Variants in PWWP3B observed in about 807,000 individuals in gnomAD.
PWWP3B encodes the protein PWWP domain-containing DNA repair factor 3B.
A neutral mutation model predicts 15.7 loss-of-function variants in PWWP3B; 5 were observed. The observed-to-expected ratio is 0.32, with a 90% CI of 0.17 to 0.67. PWWP3B has a LOEUF of 0.67. Among genes scored for constraint, PWWP3B ranks in the 30% least tolerant of loss-of-function variants. The pLI is 0.74. For missense variants in PWWP3B, 519 were observed against 493.1 expected (o/e 1.05, Z -0.50); for synonymous variants, 203 against 179.8 (o/e 1.13, Z -1.03).
intron 2 of PWWP3B, among the ~76,000 whole-genome samples, chrX:106,175,925 G>GAT (rs1401782902): frequency 9.0e-6 from 1 of 110,670 alleles, no homozygotes; most frequent in Non-Finnish European, 1.9e-5. Context: ...GAGGAGTCCC[G>GAT]ATATATAGCA....
At position 106,183,833 on chromosome X, in the gene PWWP3B, G is replaced by A. The variant is rs187679048; in HGVS notation, c.-401+12694G>A. On this transcript the variant is annotated intron_variant, in intron 2 of 3. Coordinates refer to ENST00000357175, the MANE Select transcript of PWWP3B (RefSeq NM_001171020.2). ...AGGGTGATGACATGAGCTGGCGCTT[G>A]TCCTGGTCACCCTCAGTCCTGTTGT... Among the ~76,000 whole-genome samples, 31 of 112,472 alleles carry A rather than the reference G, an allele frequency of 2.8e-4. No individual in the cohort carries two copies. In the South Asian group the frequency reaches 3.0e-3, roughly 11 times the overall value.
intron 2 of PWWP3B, among the ~76,000 whole-genome samples, chrX:106,190,179 A>G (rs1236380264): frequency 4.5e-5 from 5 of 111,080 alleles, no homozygotes; most frequent in African/African-American, 1.3e-4. Context: ...AAGTGTTCCT[A>G]TTTCTCCACA....
At chrX:106,194,334 G>A (rs1277645012) in intron 2 of PWWP3B, among the ~76,000 whole-genome samples, 6 of 111,537 alleles carry the variant, frequency 5.4e-5, no homozygotes, top group East Asian at 5.6e-4. Flanking sequence ...TGATCACATC[G>A]GTTACTGAGG....
intron 2 of PWWP3B, among the ~76,000 whole-genome samples, chrX:106,191,734 A>C (rs1186299286): frequency 9.0e-6 from 1 of 111,333 alleles, no homozygotes; most frequent in Non-Finnish European, 1.9e-5. Flanking sequence ...TAATTTATTG[A>C]GAGTTTTTAG....
chrX:106,204,575 A>G (rs932070087), intron 3 of PWWP3B, among the ~76,000 whole-genome samples: 10 of 111,971 alleles, frequency 8.9e-5, no homozygotes, highest in African/African-American at 3.2e-4. Flanking sequence ...TAGAAGAGTC[A>G]TTGTATTTTT....
rs752764388 is a variant in PWWP3B, at chrX:106,206,872, A to T, written c.1440A>T (p.Ile480=). 1.7e-6 allele frequency: 2 copies of T among 1,211,252 alleles called. No homozygotes were observed. The highest frequency in any genetic ancestry group is 1.1e-6 in the Non-Finnish European group (1 of 895,220). The change falls in exon 4 of 4, where the codon ATA becomes ATT. Residue 480 remains isoleucine (I), a synonymous_variant. Coordinates refer to ENST00000357175, the MANE Select transcript of PWWP3B (RefSeq NM_001171020.2). Reference sequence around the variant, plus strand: ...TAATTTGTGACTACAGAGTTAGAATAGGTTGTGGTTCTTTCACGGGCTCTT... The same window carrying T: ...TAATTTGTGACTACAGAGTTAGAATTGGTTGTGGTTCTTTCACGGGCTCTT... ...ISLICDYRVR[I]GCGSFTGSLL...
At chrX:106,197,322 T>C (rs961491624) in intron 2 of PWWP3B, among the ~76,000 whole-genome samples, 3 of 111,929 alleles carry the variant, frequency 2.7e-5, no homozygotes, top group African/African-American at 9.7e-5. Flanking sequence ...GCCTTTGTCC[T>C]GGAAATTAGG....
intron 2 of PWWP3B, among the ~76,000 whole-genome samples, chrX:106,186,681 G>A (rs1388160763): frequency 9.0e-6 from 1 of 110,606 alleles, no homozygotes; most frequent in African/African-American, 3.3e-5. Context: ...GACCCAAAGA[G>A]TCAGCAGAAG....
chrX:106,195,868 G>T (rs937706077), intron 2 of PWWP3B, among the ~76,000 whole-genome samples: 1 of 111,784 alleles, frequency 8.9e-6, no homozygotes, highest in Non-Finnish European at 1.9e-5. Flanking sequence ...TAATTCTACA[G>T]AAATGTTGGG....
intron 2 of PWWP3B, among the ~76,000 whole-genome samples, chrX:106,200,812 G>A (rs1005969096): frequency 2.7e-5 from 3 of 111,408 alleles, no homozygotes; most frequent in Non-Finnish European, 5.7e-5. Flanking sequence ...ACTTTGGAAG[G>A]CCGAGGCAGG....
chrX:106,196,547 AT>A (rs992302640), intron 2 of PWWP3B, among the ~76,000 whole-genome samples: 16 of 110,872 alleles, frequency 1.4e-4, no homozygotes, highest in Non-Finnish European at 2.1e-4. Flanking sequence ...AATTGAGATG[AT>A]TTTTTTTCTC....
Position 106,206,958 on chromosome X carries a change from C to T in PWWP3B, c.1526C>T (p.Thr509Ile), listed in dbSNP as rs1487503726. ...GTTAGGAAAGAAACAAAACAGGATA[C>T]TTTCAGGAACAAATTTCCAAAGCTG... ...YPVRKETKQD[T>I]FRNKFPKLHN... The change falls in exon 4 of 4, where the codon ACT becomes ATT. Residue 509 changes from threonine (T) to isoleucine (I), a missense_variant. Coordinates refer to ENST00000357175, the MANE Select transcript of PWWP3B (RefSeq NM_001171020.2). The T allele has an allele frequency of 5.0e-6, 6 of 1,211,278 alleles. No individual in the cohort carries two copies. Among genetic ancestry groups the T allele is most frequent in the Admixed American group, 2.2e-5 (1 of 45,976 alleles).
At chrX:106,192,237 C>T (rs1011112291) in intron 2 of PWWP3B, among the ~76,000 whole-genome samples, 2 of 111,514 alleles carry the variant, frequency 1.8e-5, no homozygotes, top group East Asian at 5.6e-4. Context: ...TTGGTCTATT[C>T]AGAGATTCAA....
At chrX:106,194,765 G>A (rs1401461722) in intron 2 of PWWP3B, among the ~76,000 whole-genome samples, 1 of 111,884 alleles carries the variant, frequency 8.9e-6, no homozygotes, top group Non-Finnish European at 1.9e-5. Flanking sequence ...TAACAGACAG[G>A]ACCCTCAGCT....
rs1054857394 is a variant in PWWP3B at position 106,206,008 on chromosome X, G to C, written c.576G>C (p.Trp192Cys). ...VETKSLQNSS[W>C]CETFPSLSED... ...CAAAGTCATTACAAAACTCTAGCTGGTGCGAGACTTTCCCTTCACTTTCGG... is the reference window on the plus strand; with the variant it reads ...CAAAGTCATTACAAAACTCTAGCTGCTGCGAGACTTTCCCTTCACTTTCGG... Residue 192 changes from tryptophan to cysteine, a missense_variant, in exon 4 of 4, where the codon TGG becomes TGC. Transcript: ENST00000357175. 1.1e-5 allele frequency: 13 copies of C among 1,208,570 alleles called. No homozygotes were observed. Among genetic ancestry groups the C allele is most frequent in the East Asian group, 3.0e-5 (1 of 33,799 alleles).
chrX:106,200,070 GT>G (rs1230479034), intron 2 of PWWP3B, among the ~76,000 whole-genome samples: 1 of 111,325 alleles, frequency 9.0e-6, no homozygotes, highest in Non-Finnish European at 1.9e-5. Context: ...CTAAATTCTG[GT>G]TAGTGGACTG....
chrX:106,184,312 G>A, intron 2 of PWWP3B, among the ~76,000 whole-genome samples: 1 of 111,542 alleles, frequency 9.0e-6, no homozygotes, highest in Middle Eastern at 4.6e-3. Context: ...TTGGGTGACA[G>A]GGGAGTATAT....
At position 106,175,297 on chromosome X, in the gene PWWP3B, C is replaced by G. The variant is rs779181454; in HGVS notation, c.-401+4158C>G. 3.6e-3 allele frequency among the ~76,000 whole-genome samples: 326 copies of G among 89,680 alleles called. 1 individual carries two copies. Among genetic ancestry groups the G allele is most frequent in the African/African-American group, 0.013 (301 of 23,371 alleles). The allele number at this position is 89,680 out of a possible 115,157, so 77.9% of individuals were successfully genotyped here. A position where few individuals can be genotyped will look rare whatever the true frequency, so the allele number is the denominator to read the frequency against. On this transcript the variant is annotated intron_variant, in intron 2 of 3. Coordinates refer to ENST00000357175, the MANE Select transcript of PWWP3B (RefSeq NM_001171020.2). ...GCTCTGTCGCCCAGGCTGGAGTGCA[C>G]TGGCGCGATCTCGGCTCACTGCAAG...
intron 2 of PWWP3B, among the ~76,000 whole-genome samples, chrX:106,202,149 C>G (rs758716062): frequency 1.2e-4 from 13 of 111,642 alleles, no homozygotes; most frequent in Admixed American, 5.7e-4. Context: ...GGAAATACAC[C>G]TATAAGTTGA....
Sources: allele counts gnomAD v4.1 joint callset (sites outside exome capture counted in the v4.1 genomes callset), GRCh38; gene constraint gnomAD v4.1.1; transcripts MANE v1.5; gene names NCBI Gene and HGNC (gene_info 2026-07-23, HGNC 2026-07-21).